The following PPP1R10 variants were observed in gnomAD, a reference collection of about 807,000 sequenced individuals.
PPP1R10 encodes the protein protein phosphatase 1 regulatory subunit 10.
A neutral mutation model predicts 99.0 loss-of-function variants in PPP1R10; 15 were observed. The ratio of observed to expected loss-of-function variants is 0.15; its 90% confidence interval spans 0.10 to 0.23. The LOEUF (loss-of-function observed/expected upper bound fraction) is 0.23, where lower values mean the gene tolerates loss of function less well. Among genes scored for constraint, PPP1R10 ranks in the 10% least tolerant of loss-of-function variants. PPP1R10 has a pLI of 1.00. For missense variants in PPP1R10, 947 were observed against 1,259.4 expected, an observed-to-expected ratio of 0.75 and a Z score of 3.75; for synonymous variants, 430 against 449.5, an observed-to-expected ratio of 0.96 and a Z score of 0.55.
At chr6:30,607,714 G>GA in intron 6 of PPP1R10, 126 bp downstream of exon 6, 1 of 1,054,532 alleles carries the variant, frequency 9.5e-7, no homozygotes. Context: ...TTAAAAGAAG[G>GA]AAAAAAAGCA....
chr6:30,601,806 C>T, intron 19 of PPP1R10, 130 bp downstream of exon 19: 1 of 1,302,522 alleles, frequency 7.7e-7, no homozygotes, highest in Non-Finnish European at 1.0e-6. Flanking sequence ...AACTGCTATG[C>T]ATACTAGGAC....
chr6:30,614,542 T>C (rs1395920518), intron 2 of PPP1R10: 5 of 152,250 alleles, frequency 3.3e-5, no homozygotes, highest in African/African-American at 1.2e-4. Flanking sequence ...GTCCTAAAAG[T>C]ACCCACCTTC....
rs778858239 is a variant in PPP1R10, at chr6:30,606,656, C to G, written c.461-15G>C. On this transcript the variant is annotated splice_polypyrimidine_tract_variant and intron_variant, in intron 7 of 19. Coordinates refer to ENST00000376511, the MANE Select transcript of PPP1R10 (RefSeq NM_002714.4). The surrounding 1 kb of genome is among the most constrained non-coding windows in gnomAD (Gnocchi z 6.3). ...CTTATCTTTCTCTGTTGTGAAAAAA[C>G]AAAGCAGAAAAGGATTTTATTTAGA... 1.9e-6 allele frequency: 3 copies of G among 1,613,854 alleles called. No individual in the cohort carries two copies. Among genetic ancestry groups the G allele is most frequent in the Non-Finnish European group, 2.5e-6 (3 of 1,179,952 alleles).
In PPP1R10 at chr6:30,606,391, A is replaced by G. The variant is rs1034717688; in HGVS notation, c.634+77T>C. On this transcript the variant is annotated intron_variant, in intron 8 of 19. Transcript: ENST00000376511. The surrounding 1 kb of genome is among the most constrained non-coding windows in gnomAD (Gnocchi z 6.3). ...CTCTTCCTTACGATTAACATACCAC[A>G]CATCAAATGATTCCCCCATAAGGCT... 1.9e-6 allele frequency: 3 copies of G among 1,582,806 alleles called. No homozygotes were observed. Among genetic ancestry groups the G allele is most frequent in the Non-Finnish European group, 2.6e-6 (3 of 1,159,492 alleles).
At chr6:30,615,190 T>C (rs1274056928) in intron 2 of PPP1R10, among the ~76,000 whole-genome samples, 2 of 149,086 alleles carry the variant, frequency 1.3e-5, no homozygotes, top group Admixed American at 6.7e-5. Flanking sequence ...CACCCGGCTC[T>C]GCCGGTAGCT....
chr6:30,602,554 C>A lies in PPP1R10; in HGVS notation c.2095G>T (p.Gly699Cys). ...CGGCCTCTATGGTATGGTCCAGGAC[C>A]TGGTCCTGGACCCCCCCGCATTGGG... The part of the protein sequence containing the change: ...GGPMRGGPGP[G>C]PGPYHRGRGG... The change falls in exon 19 of 20, where the codon GGT becomes TGT. Residue 699 changes from glycine (G) to cysteine (C), a missense_variant. Around this residue, in one of 10 missense-constraint regions of PPP1R10, gnomAD observed 525 missense variants for 578.8 expected, o/e 0.91. Transcript: ENST00000376511. This position sits in a 1 kb window ranked among gnomAD's most constrained non-coding sequence, Gnocchi z 6.7. 1 of 1,565,296 alleles carries A rather than the reference C, an allele frequency of 6.4e-7. No individual in the cohort carries two copies. The highest frequency in any genetic ancestry group is 8.6e-7 in the Non-Finnish European group (1 of 1,157,720).
rs749842451 is a variant in PPP1R10, at chr6:30,602,208, C to T, written c.2441G>A (p.Arg814His). ...GGGISGGSGH[R>H]PHEGPGGGMG... is the part of the protein sequence containing the mutation. The stretch of plus-strand genomic sequence containing the variant: ...TCCTCCGCCAGGGCCTTCATGGGGA[C>T]GATGGCCACTGCCACCACTGATGCC... The change falls in exon 19 of 20, where the codon CGT becomes CAT. Residue 814 changes from arginine (R) to histidine (H), a missense_variant. Physicochemically the swap from Arg to His is conservative, Grantham distance 29. Transcript: ENST00000376511. This position sits in a 1 kb window ranked among gnomAD's most constrained non-coding sequence, Gnocchi z 6.7. The T allele has an allele frequency of 2.5e-5, 40 of 1,610,910 alleles. No homozygotes were observed. Among genetic ancestry groups the T allele is most frequent in the Non-Finnish European group, 3.1e-5 (37 of 1,179,120 alleles).
chr6:30,610,428 T>C (rs1175075516), intron 2 of PPP1R10, among the ~76,000 whole-genome samples: 11 of 152,252 alleles, frequency 7.2e-5, no homozygotes, highest in Non-Finnish European at 1.3e-4. Context: ...TTGAGCTAAA[T>C]GTCTTATAAG....
intron 17 of PPP1R10, 30 bp downstream of exon 17, chr6:30,603,180 C>G (rs751491522): frequency 6.3e-7 from 1 of 1,591,014 alleles, no homozygotes; most frequent in South Asian, 1.1e-5. Flanking sequence ...CTTCCTCCCC[C>G]AGTCCCCTGG....
chr6:30,610,095 A>G, intron 2 of PPP1R10, 140 bp from the exon 3 acceptor site: 1 of 639,556 alleles, frequency 1.6e-6, no homozygotes, highest in Non-Finnish European at 2.8e-6. Flanking sequence ...TTTTTTAGAT[A>G]TGAAAAATCG....
At position 30,606,434 on chromosome 6, in the gene PPP1R10, C is replaced by T; in HGVS notation, c.634+34G>A. The T allele has an allele frequency of 1.9e-6, 3 of 1,610,388 alleles. No individual in the cohort carries two copies. Among genetic ancestry groups the T allele is most frequent in the South Asian group, 1.1e-5 (1 of 90,886 alleles). On this transcript the variant is annotated intron_variant, in intron 8 of 19. Coordinates refer to ENST00000376511, the MANE Select transcript of PPP1R10 (RefSeq NM_002714.4). The surrounding 1 kb of genome is among the most constrained non-coding windows in gnomAD (Gnocchi z 6.3). ...ATAAGGCTCTGGGTGTGCACATGCC[C>T]ATGAACCCTCCAGAGGCCAGCCGCC...
chr6:30,616,306 G>A (rs1225895082), intron 2 of PPP1R10, among the ~76,000 whole-genome samples, 172 bp downstream of exon 2: 1 of 152,204 alleles, frequency 6.6e-6, no homozygotes, highest in African/African-American at 2.4e-5. Flanking sequence ...GAGAGAACAA[G>A]ACTGTTTAGA....
chr6:30,602,821 T>A lies in PPP1R10; in HGVS notation c.1957+25A>T, dbSNP rs1803504926. 5 of 1,547,800 alleles carry A rather than the reference T, an allele frequency of 3.2e-6. No homozygotes were observed. The highest frequency in any genetic ancestry group is 4.4e-6 in the Non-Finnish European group (5 of 1,142,402). Reference sequence around the variant, plus strand: ...GACTGAAATTAAGCAGATAAGCCCATTCCAACCTTTTACTCACCACCTACC... The same window carrying A: ...GACTGAAATTAAGCAGATAAGCCCAATCCAACCTTTTACTCACCACCTACC... On this transcript the variant is annotated intron_variant, in intron 18 of 19. Transcript: ENST00000376511. This position sits in a 1 kb window ranked among gnomAD's most constrained non-coding sequence, Gnocchi z 6.7.
chr6:30,604,057 C>T lies in PPP1R10; in HGVS notation c.1459G>A (p.Ala487Thr), dbSNP rs1469167916. 3.7e-6 allele frequency: 6 copies of T among 1,613,566 alleles called. No individual in the cohort carries two copies. The highest frequency in any genetic ancestry group is 4.2e-6 in the Non-Finnish European group (5 of 1,179,764). Residue 487 changes from alanine to threonine, a missense_variant, in exon 14 of 20, where the codon GCT (alanine) becomes ACT (threonine). Physicochemically the swap from Ala to Thr is moderately conservative, Grantham distance 58. This residue lies in a region of PPP1R10 where 50 missense variants were observed against 78.6 expected (regional missense o/e 0.64). Coordinates refer to ENST00000376511, the MANE Select transcript of PPP1R10 (RefSeq NM_002714.4). This position sits in a 1 kb window ranked among gnomAD's most constrained non-coding sequence, Gnocchi z 7.3. ...TGAAGGATTCCCTTCTCCCGCTCAG[C>T]CTGGATATATCGCTCCTGACTATTG... ...GSNSQERYIQ[A>T]EREKGILQEL...
At chr6:30,612,600 T>C (rs563278825) in intron 2 of PPP1R10, among the ~76,000 whole-genome samples, 20 of 152,338 alleles carry the variant, frequency 1.3e-4, no homozygotes, top group Non-Finnish European at 2.4e-4. Flanking sequence ...AAGTGAAATT[T>C]TGTCTCATGA....
intron 2 of PPP1R10, among the ~76,000 whole-genome samples, chr6:30,611,182 TC>T: frequency 6.6e-6 from 1 of 152,106 alleles, no homozygotes; most frequent in Non-Finnish European, 1.5e-5. Context: ...GCACCTGTAG[TC>T]CCAGCTACCC....
At chr6:30,611,916 G>A (rs1804599695) in intron 2 of PPP1R10, among the ~76,000 whole-genome samples, 1 of 152,160 alleles carries the variant, frequency 6.6e-6, no homozygotes, top group Non-Finnish European at 1.5e-5. Flanking sequence ...TACACACACA[G>A]AGACAGACAC....
intron 2 of PPP1R10, 147 bp downstream of exon 2, chr6:30,616,331 T>A (rs1166021939): frequency 6.6e-6 from 1 of 152,626 alleles, no homozygotes; most frequent in African/African-American, 2.4e-5. Context: ...CAGGCCCTTT[T>A]TAATGGAGAT....
intron 5 of PPP1R10, among the ~76,000 whole-genome samples, chr6:30,608,260 G>C (rs1186255825): frequency 6.7e-6 from 1 of 149,502 alleles, no homozygotes; most frequent in Non-Finnish European, 1.5e-5. Context: ...CCAAAGTGTT[G>C]GGATTACAGG....
Sources: gnomAD v4.1 joint callset for allele counts (sites outside exome capture counted in the v4.1 genomes callset) on GRCh38, gnomAD v4.1.1 for gene constraint, gnomAD v4.1.1 regional missense constraint, Gnocchi (gnomAD v3.1) non-coding constraint, MANE v1.5 for transcripts, NCBI Gene and HGNC (gene_info 2026-07-23, HGNC 2026-07-21) for gene names.